EDF1: variants seen among roughly 807,000 people sequenced by gnomAD.
EDF1 encodes endothelial differentiation related factor 1.
Under a neutral mutation model 20.8 loss-of-function variants are expected in EDF1, and 5 were observed. That is an observed-to-expected ratio of 0.24 (90% CI 0.13 to 0.51). EDF1 has a LOEUF of 0.51. Ranked by LOEUF, EDF1 falls within the 20% of genes least tolerant of loss-of-function variation. EDF1 has a pLI of 0.97. For synonymous variants in EDF1, 96 were observed against 78.5 expected, an observed-to-expected ratio of 1.22 and a Z score of -1.18; for missense variants, 137 against 197.8, an observed-to-expected ratio of 0.69 and a Z score of 1.84.
intron 1 of EDF1, among the ~76,000 whole-genome samples, chr9:136,864,699 C>T (rs1199584802): frequency 2.6e-5 from 4 of 152,120 alleles, no homozygotes; most frequent in Non-Finnish European, 5.9e-5. Context: ...TCTCGGCTCA[C>T]TGCAACCTTC....
Position 136,862,805 on chromosome 9 carries a change from A to G in EDF1, c.385+101T>C. On this transcript the variant is annotated intron_variant, in intron 4 of 4. Coordinates refer to ENST00000224073, the MANE Select transcript of EDF1 (RefSeq NM_003792.4). The surrounding 1 kb of genome is among the most constrained non-coding windows in gnomAD (Gnocchi z 4.1). ...AGAATTCAGAGAACAGGGGACCCCC[A>G]GGGCCATCTTCTTCCCCCGAGTCCC... is the stretch of plus-strand genomic sequence containing the variant. 6.2e-7 allele frequency: 1 copy of G among 1,610,000 alleles called. No homozygotes were observed. The highest frequency in any genetic ancestry group is 8.5e-7 in the Non-Finnish European group (1 of 1,179,306).
At position 136,863,780 on chromosome 9, in the gene EDF1, A is replaced by G. The variant is rs1416590205; in HGVS notation, c.130+40T>C. 1.2e-6 allele frequency: 2 copies of G among 1,612,894 alleles called. No individual in the cohort carries two copies. Among genetic ancestry groups the G allele is most frequent in the Non-Finnish European group, 8.5e-7 (1 of 1,179,226 alleles). On this transcript the variant is annotated intron_variant, in intron 2 of 4. Coordinates refer to ENST00000224073, the MANE Select transcript of EDF1 (RefSeq NM_003792.4). The surrounding 1 kb of genome is among the most constrained non-coding windows in gnomAD (Gnocchi z 4.5). ...ACACCCACCAGCACATGGACCCCACAGCACAGCCTCATGTTGCAAGCGGAA... is the reference window on the plus strand; with the variant it reads ...ACACCCACCAGCACATGGACCCCACGGCACAGCCTCATGTTGCAAGCGGAA...
Position 136,862,438 on chromosome 9 carries a change from C to A in EDF1, c.386-93G>T. 1 of 1,613,610 alleles carries A rather than the reference C, an allele frequency of 6.2e-7. No individual in the cohort carries two copies. The highest frequency in any genetic ancestry group is 8.5e-7 in the Non-Finnish European group (1 of 1,179,938). On this transcript the variant is annotated intron_variant, in intron 4 of 4. Coordinates refer to ENST00000224073, the MANE Select transcript of EDF1 (RefSeq NM_003792.4). The surrounding 1 kb of genome is among the most constrained non-coding windows in gnomAD (Gnocchi z 4.1). ...TCAACATCTTCCCAGGGAAGGGGGG[C>A]CACGCCGCTCCCGTGCCTCACTGGG... is the stretch of plus-strand genomic sequence containing the variant.
At position 136,862,650 on chromosome 9, in the gene EDF1, G is replaced by A. The variant is rs1237747259; in HGVS notation, c.385+256C>T. 2.0e-5 allele frequency: 30 copies of A among 1,496,094 alleles called. No homozygotes were observed. The highest frequency in any genetic ancestry group is 9.8e-5 in the East Asian group (4 of 40,856). 92.7% of individuals were successfully genotyped at this position (1,496,094 alleles called of 1,614,324 possible). The stretch of plus-strand genomic sequence containing the variant: ...CTGTGCTCAGGCTCAGAGAACCATC[G>A]CCAACAGCACAGGCTGACGGGAACT... On this transcript the variant is annotated intron_variant, in intron 4 of 4. Coordinates refer to ENST00000224073, the MANE Select transcript of EDF1 (RefSeq NM_003792.4). This position sits in a 1 kb window ranked among gnomAD's most constrained non-coding sequence, Gnocchi z 4.1.
In EDF1 at chr9:136,862,866, CCT is replaced by C; in HGVS notation, c.385+38_385+39del. On this transcript the variant is annotated intron_variant, in intron 4 of 4. Coordinates refer to ENST00000224073, the MANE Select transcript of EDF1 (RefSeq NM_003792.4). This position sits in a 1 kb window ranked among gnomAD's most constrained non-coding sequence, Gnocchi z 4.1. ...ACCCCAGCTGGGAGCGGGTAGCCTC[CCT>C]GTTCAGCGGACCCGGCGAAGGGTGG... 6.2e-7 allele frequency: 1 copy of C among 1,612,322 alleles called. No homozygotes were observed. Among genetic ancestry groups the C allele is most frequent in the Non-Finnish European group, 8.5e-7 (1 of 1,179,972 alleles).
In EDF1 at chr9:136,862,417, C is replaced by T. The variant is rs773349451; in HGVS notation, c.386-72G>A. 2.5e-6 allele frequency: 4 copies of T among 1,613,826 alleles called. No homozygotes were observed. Among genetic ancestry groups the T allele is most frequent in the Admixed American group, 3.3e-5 (2 of 60,006 alleles). ...TCCCCCCAACGCTGCCCCTCTTCAA[C>T]ATCTTCCCAGGGAAGGGGGGCCACG... On this transcript the variant is annotated intron_variant, in intron 4 of 4. Transcript: ENST00000224073. The surrounding 1 kb of genome is among the most constrained non-coding windows in gnomAD (Gnocchi z 4.1).
At chr9:136,864,778 C>T (rs1422762776) in intron 1 of EDF1, among the ~76,000 whole-genome samples, 3 of 152,096 alleles carry the variant, frequency 2.0e-5, no homozygotes, top group Non-Finnish European at 2.9e-5. Context: ...CTCCTGCCAC[C>T]GTGCCTGGCT....
Position 136,862,205 on chromosome 9 carries a change from T to C in EDF1, c.*79A>G. 4 of 1,578,096 alleles carry C rather than the reference T, an allele frequency of 2.5e-6. No homozygotes were observed. Among genetic ancestry groups the C allele is most frequent in the Non-Finnish European group, 2.6e-6 (3 of 1,148,120 alleles). ...TGGACCCCTTGTTCCGTTCGGCCCG[T>C]GAGGAGAACGGAACTGGCGGCCAAG... is the stretch of plus-strand genomic sequence containing the variant. On this transcript the variant is annotated 3_prime_UTR_variant, in exon 5 of 5. Transcript: ENST00000224073. This position sits in a 1 kb window ranked among gnomAD's most constrained non-coding sequence, Gnocchi z 4.1.
rs1400154570 is a variant in EDF1, at chr9:136,866,156, G to A, written c.78+25C>T. ...GCCCAGCGTCCGCCCCGCCCGGCCC[G>A]GCCGCTCCTCAGTCAGCAAAGCACC... On this transcript the variant is annotated intron_variant, in intron 1 of 4. Transcript: ENST00000224073. The A allele has an allele frequency of 5.1e-6, 8 of 1,581,098 alleles. No homozygotes were observed. The African/African-American group carries it at 9.9e-5, about 19-fold the overall frequency.
At position 136,863,583 on chromosome 9, in the gene EDF1, C is replaced by T; in HGVS notation, c.131-135G>A. 3.3e-6 allele frequency: 4 copies of T among 1,215,718 alleles called. No individual in the cohort carries two copies. Among genetic ancestry groups the T allele is most frequent in the Non-Finnish European group, 4.5e-6 (4 of 883,290 alleles). The allele number at this position is 1,215,718 out of a possible 1,614,324, so 75.3% of individuals were successfully genotyped here. On this transcript the variant is annotated intron_variant, in intron 2 of 4. Coordinates refer to ENST00000224073, the MANE Select transcript of EDF1 (RefSeq NM_003792.4). The surrounding 1 kb of genome is among the most constrained non-coding windows in gnomAD (Gnocchi z 4.5). ...ATGGGAACCCAGGCTGTCCCAAGTT[C>T]ACACACCTCAGGTCGTGGACTTCCA...
Position 136,862,233 on chromosome 9 carries a change from G to C in EDF1, c.*51C>G. 6.2e-7 allele frequency: 1 copy of C among 1,610,984 alleles called. No individual in the cohort carries two copies. The highest frequency in any genetic ancestry group is 8.5e-7 in the Non-Finnish European group (1 of 1,177,306). ...GGAGAACGGAACTGGCGGCCAAGGG[G>C]AACCGGCGGAACGAGATCAGCTGGA... On this transcript the variant is annotated 3_prime_UTR_variant, in exon 5 of 5. Coordinates refer to ENST00000224073, the MANE Select transcript of EDF1 (RefSeq NM_003792.4). The surrounding 1 kb of genome is among the most constrained non-coding windows in gnomAD (Gnocchi z 4.1).
rs767380138 is a variant in EDF1, at chr9:136,863,192, G to T, written c.291+96C>A. 5.8e-6 allele frequency: 9 copies of T among 1,548,652 alleles called. No individual in the cohort carries two copies. The highest frequency in any genetic ancestry group is 2.7e-5 in the African/African-American group (2 of 73,820). On this transcript the variant is annotated intron_variant, in intron 3 of 4. Transcript: ENST00000224073. The surrounding 1 kb of genome is among the most constrained non-coding windows in gnomAD (Gnocchi z 4.5). ...GAGGCATTCCCTGCAGGGGAACCAG[G>T]GGGGTGGAGCCCACCCTCCCCGTGC... is the stretch of plus-strand genomic sequence containing the variant.
Position 136,863,894 on chromosome 9 carries a change from T to G in EDF1, c.79-23A>C. 3.1e-6 allele frequency: 5 copies of G among 1,613,312 alleles called. No individual in the cohort carries two copies. Among genetic ancestry groups the G allele is most frequent in the Non-Finnish European group, 4.2e-6 (5 of 1,179,802 alleles). ...AGCCTAGAAAATTAGAAAACATCAG[T>G]GGATCAAAATTAGCTTTGACAGTAT... On this transcript the variant is annotated intron_variant, in intron 1 of 4. Transcript: ENST00000224073. This position sits in a 1 kb window ranked among gnomAD's most constrained non-coding sequence, Gnocchi z 4.5.
intron 1 of EDF1, among the ~76,000 whole-genome samples, chr9:136,865,709 C>T (rs1849204861): frequency 6.6e-6 from 1 of 151,750 alleles, no homozygotes; most frequent in Non-Finnish European, 1.5e-5. Context: ...TTCCCAGTGC[C>T]CACCCTGGTT....
rs969604794 is a variant in EDF1, at chr9:136,863,726, A to C, written c.130+94T>G. ...ACCGGTGCAGGCAGGCACTCAGCTG[A>C]CAACGTCCCCGGGGGCGCCGCACAC... On this transcript the variant is annotated intron_variant, in intron 2 of 4. Coordinates refer to ENST00000224073, the MANE Select transcript of EDF1 (RefSeq NM_003792.4). This position sits in a 1 kb window ranked among gnomAD's most constrained non-coding sequence, Gnocchi z 4.5. The C allele has an allele frequency of 2.7e-6, 4 of 1,491,406 alleles. No individual in the cohort carries two copies. The African/African-American group carries it at 4.1e-5, about 15-fold the overall frequency. The allele number at this position is 1,491,406 out of a possible 1,614,324, so 92.4% of individuals were successfully genotyped here.
intron 1 of EDF1, among the ~76,000 whole-genome samples, chr9:136,865,366 C>T (rs1201483503): frequency 6.6e-6 from 1 of 152,068 alleles, no homozygotes; most frequent in Non-Finnish European, 1.5e-5. Flanking sequence ...TCTCTACAGC[C>T]TGTGATGCAC....
In EDF1 at chr9:136,862,280, G is replaced by C; in HGVS notation, c.*4C>G. On this transcript the variant is annotated 3_prime_UTR_variant, in exon 5 of 5. Coordinates refer to ENST00000224073, the MANE Select transcript of EDF1 (RefSeq NM_003792.4). The surrounding 1 kb of genome is among the most constrained non-coding windows in gnomAD (Gnocchi z 4.1). The stretch of plus-strand genomic sequence containing the variant: ...TGGAGCGCACTGATTTCGAGGCTTT[G>C]TGTTCATTTCGCCCTAGGCCCCTTC... 2 of 1,613,976 alleles carry C rather than the reference G, an allele frequency of 1.2e-6. No individual in the cohort carries two copies. Among genetic ancestry groups the C allele is most frequent in the Non-Finnish European group, 1.7e-6 (2 of 1,179,976 alleles).
rs745960295 is a variant in EDF1, at chr9:136,862,397, C to CT, written c.386-53_386-52insA. 3.1e-6 allele frequency: 5 copies of CT among 1,613,958 alleles called. 1 individual carries two copies. In the South Asian group the frequency reaches 5.5e-5, roughly 18 times the overall value. On this transcript the variant is annotated intron_variant, in intron 4 of 4. Transcript: ENST00000224073. The surrounding 1 kb of genome is among the most constrained non-coding windows in gnomAD (Gnocchi z 4.1). Reference sequence around the variant, plus strand: ...CTGCAGCACCAGCTCCCTCCTCCCCCCAACGCTGCCCCTCTTCAACATCTT... The same window carrying CT: ...CTGCAGCACCAGCTCCCTCCTCCCCCTCAACGCTGCCCCTCTTCAACATCTT...
rs545085076 is a variant in EDF1 at position 136,863,060 on chromosome 9, C to T, written c.292-61G>A. On this transcript the variant is annotated intron_variant, in intron 3 of 4. Coordinates refer to ENST00000224073, the MANE Select transcript of EDF1 (RefSeq NM_003792.4). The surrounding 1 kb of genome is among the most constrained non-coding windows in gnomAD (Gnocchi z 4.5). The stretch of plus-strand genomic sequence containing the variant: ...ACTAGGACTGCTGCAAAACCAGGCG[C>T]GAAGCGTCGCCTGAGAACAGCAGCT... 267 of 1,602,832 alleles carry T rather than the reference C, an allele frequency of 1.7e-4. 4 individuals carry two copies. The South Asian group carries it at 2.6e-3, about 16-fold the overall frequency.
Sources: gnomAD v4.1 joint callset for allele counts (sites outside exome capture counted in the v4.1 genomes callset) on GRCh38, gnomAD v4.1.1 for gene constraint, Gnocchi (gnomAD v3.1) non-coding constraint, MANE v1.5 for transcripts, NCBI Gene and HGNC (gene_info 2026-07-23, HGNC 2026-07-21) for gene names.